BARX2: variants seen among roughly 807,000 people sequenced by gnomAD.
BARX2 encodes the protein BARX homeobox 2.
Under a neutral mutation model 25.5 loss-of-function variants are expected in BARX2, and 11 were observed. That is an observed-to-expected ratio of 0.43 (90% confidence interval 0.27 to 0.71). The LOEUF is 0.71. Among genes scored for constraint, BARX2 ranks in the 30% least tolerant of loss-of-function variants. The probability of loss-of-function intolerance (pLI) is 0.19; values close to 1 mark genes in which losing one functional copy is unlikely to be tolerated. For synonymous variants in BARX2, 137 were observed against 149.5 expected, an observed-to-expected ratio of 0.92 and a Z score of 0.61; for missense variants, 360 against 359.9, an observed-to-expected ratio of 1.00 and a Z score of 0.00.
intron 1 of BARX2, among the ~76,000 whole-genome samples, chr11:129,433,954 T>C (rs1357678472): frequency 2.0e-5 from 3 of 152,140 alleles, no homozygotes; most frequent in Non-Finnish European, 4.4e-5. Context: ...GTGTAGCCCA[T>C]AGTAGATGCT....
rs760090669 is a variant in BARX2 at position 129,390,742 on chromosome 11, A to G, written c.187+14520A>G. On this transcript the variant is annotated intron_variant, in intron 1 of 3. Transcript: ENST00000281437. The surrounding 1 kb of genome is among the most constrained non-coding windows in gnomAD (Gnocchi z 4.3). ...CGTTCCCCATAACTGACAGCAGTCA[A>G]TGACTTCTGATTGGGCAATGGCCTG... Among the ~76,000 whole-genome samples, 3 of 152,232 alleles carry G rather than the reference A, an allele frequency of 2.0e-5. No homozygotes were observed. The highest frequency in any genetic ancestry group is 4.4e-5 in the Non-Finnish European group (3 of 68,036).
chr11:129,393,612 C>T (rs569379981), intron 1 of BARX2, among the ~76,000 whole-genome samples: 1 of 151,186 alleles, frequency 6.6e-6, no homozygotes, highest in South Asian at 2.1e-4. Flanking sequence ...GAGTTAATGA[C>T]AGGGACACAG....
intron 1 of BARX2, among the ~76,000 whole-genome samples, chr11:129,381,742 T>C (rs116724849): frequency 0.015 from 2,297 of 152,160 alleles, 47 homozygotes; most frequent in African/African-American, 0.049. Context: ...AAAATCTATA[T>C]GAAAAGGAGT....
At chr11:129,448,953 TTC>T (rs1168420750) in intron 3 of BARX2, among the ~76,000 whole-genome samples, 1 of 152,206 alleles carries the variant, frequency 6.6e-6, no homozygotes, top group African/African-American at 2.4e-5. Context: ...TATTATATGA[TTC>T]TGTTTATATA....
intron 1 of BARX2, among the ~76,000 whole-genome samples, chr11:129,388,394 G>T (rs1010700376): frequency 4.6e-5 from 7 of 152,054 alleles, no homozygotes; most frequent in Admixed American, 2.0e-4. Flanking sequence ...GTCTGTGTCC[G>T]TGTCTGTGTA....
At chr11:129,435,694 T>C (rs1862180278) in intron 1 of BARX2, among the ~76,000 whole-genome samples, 1 of 152,212 alleles carries the variant, frequency 6.6e-6, no homozygotes, top group African/African-American at 2.4e-5. Flanking sequence ...AATCAGCTAG[T>C]TTTCTTACTC....
intron 1 of BARX2, among the ~76,000 whole-genome samples, chr11:129,412,053 A>G (rs1209640871): frequency 6.6e-6 from 1 of 152,126 alleles, no homozygotes; most frequent in East Asian, 1.9e-4. Flanking sequence ...CAGGCAGATC[A>G]CAAGGTCAGG....
intron 1 of BARX2, among the ~76,000 whole-genome samples, chr11:129,388,831 A>C (rs1240823218): frequency 2.0e-5 from 3 of 152,218 alleles, no homozygotes; most frequent in Non-Finnish European, 2.9e-5. Flanking sequence ...GTATGAAACC[A>C]TTTAGTGGAG....
chr11:129,449,492 G>A (rs1364994390), intron 3 of BARX2, among the ~76,000 whole-genome samples: 1 of 152,210 alleles, frequency 6.6e-6, no homozygotes, highest in East Asian at 1.9e-4. Flanking sequence ...TCCTCTGGAA[G>A]CCCTTCTCAC....
At chr11:129,381,582 AG>A (rs1459050370) in intron 1 of BARX2, among the ~76,000 whole-genome samples, 1 of 152,198 alleles carries the variant, frequency 6.6e-6, no homozygotes. Context: ...CTCTATTATG[AG>A]GCTGATTTCC....
chr11:129,413,214 A>G (rs1020941272), intron 1 of BARX2, among the ~76,000 whole-genome samples: 1 of 152,194 alleles, frequency 6.6e-6, no homozygotes. Context: ...TGAGCTATGC[A>G]TTATTATTAT....
At chr11:129,449,294 CA>C (rs1453607180) in intron 3 of BARX2, among the ~76,000 whole-genome samples, 1 of 152,132 alleles carries the variant, frequency 6.6e-6, no homozygotes, top group Non-Finnish European at 1.5e-5. Flanking sequence ...GAAAGAGGAA[CA>C]GTCAGTAAAT....
chr11:129,409,601 A>G (rs1262232325), intron 1 of BARX2, among the ~76,000 whole-genome samples: 1 of 152,216 alleles, frequency 6.6e-6, no homozygotes, highest in Non-Finnish European at 1.5e-5. Flanking sequence ...AGAGCTGGTA[A>G]AGGTTAAGTT....
At chr11:129,378,156 T>A (rs1204527390) in intron 1 of BARX2, among the ~76,000 whole-genome samples, 1 of 152,220 alleles carries the variant, frequency 6.6e-6, no homozygotes. Flanking sequence ...GGCAATGGTT[T>A]TCTGGCTCCG....
In BARX2 at chr11:129,404,871, T is replaced by C. The variant is rs377181482; in HGVS notation, c.187+28649T>C. 5.3e-5 allele frequency among the ~76,000 whole-genome samples: 8 copies of C among 152,358 alleles called. No individual in the cohort carries two copies. The East Asian group carries it at 1.4e-3, about 26-fold the overall frequency. Reference sequence around the variant, plus strand: ...CTCTCAGCCTGTTTAGGGGGCTCTTTGATCTTGCTGTGCCTAATAGGCAGA... The same window carrying C: ...CTCTCAGCCTGTTTAGGGGGCTCTTCGATCTTGCTGTGCCTAATAGGCAGA... On this transcript the variant is annotated intron_variant, in intron 1 of 3. Coordinates refer to ENST00000281437, the MANE Select transcript of BARX2 (RefSeq NM_003658.5).
intron 1 of BARX2, among the ~76,000 whole-genome samples, chr11:129,427,109 A>C (rs1427534560): frequency 6.6e-6 from 1 of 152,194 alleles, no homozygotes; most frequent in Non-Finnish European, 1.5e-5. Flanking sequence ...ATTTGGCTCA[A>C]TCACTGAGCA....
chr11:129,415,562 T>C (rs1476642617), intron 1 of BARX2, among the ~76,000 whole-genome samples: 1 of 152,114 alleles, frequency 6.6e-6, no homozygotes, highest in Non-Finnish European at 1.5e-5. Context: ...ATGTCTCCCT[T>C]CTCCCCAGGA....
intron 1 of BARX2, among the ~76,000 whole-genome samples, chr11:129,408,375 A>T (rs538370864): frequency 2.6e-5 from 4 of 152,328 alleles, no homozygotes; most frequent in Non-Finnish European, 5.9e-5. Flanking sequence ...TTTAGTAAAA[A>T]TATTGAAAAA....
At chr11:129,431,845 AC>A (rs1459970246) in intron 1 of BARX2, among the ~76,000 whole-genome samples, 3 of 151,916 alleles carry the variant, frequency 2.0e-5, no homozygotes, top group African/African-American at 7.2e-5. Context: ...AGAATTCTCT[AC>A]CTAACCCAGT....
Sources: gnomAD v4.1 joint callset for allele counts (sites outside exome capture counted in the v4.1 genomes callset) on GRCh38, gnomAD v4.1.1 for gene constraint, Gnocchi (gnomAD v3.1) non-coding constraint, MANE v1.5 for transcripts, NCBI Gene and HGNC (gene_info 2026-07-23, HGNC 2026-07-21) for gene names.